The following TMEM178B variants were observed in gnomAD, a reference collection of about 807,000 sequenced individuals.
The protein encoded by TMEM178B is transmembrane protein 178B.
Under a neutral mutation model 31.0 loss-of-function variants are expected in TMEM178B, and 5 were observed. The observed-to-expected ratio is 0.16, with a 90% confidence interval of 0.08 to 0.34. The LOEUF is 0.34. Ranked by LOEUF, TMEM178B falls within the 10% of genes least tolerant of loss-of-function variation. The probability of loss-of-function intolerance (pLI) is 1.00; values close to 1 mark genes in which losing one functional copy is unlikely to be tolerated. For synonymous variants in TMEM178B, 164 were observed against 164.0 expected (o/e 1.00, Z 0.00); for missense variants, 275 against 400.3 (o/e 0.69, Z 2.67).
At chr7:141,090,926 T>C (rs1157748907) in intron 1 of TMEM178B, among the ~76,000 whole-genome samples, 1 of 152,208 alleles carries the variant, frequency 6.6e-6, no homozygotes, top group Non-Finnish European at 1.5e-5. Flanking sequence ...TAAGGACTTC[T>C]CCTTTAGCCA....
At position 141,133,859 on chromosome 7, in the gene TMEM178B, C is replaced by G. The variant is rs111430263; in HGVS notation, c.382+59167C>G. Among the ~76,000 whole-genome samples, 534 of 152,270 alleles carry G rather than the reference C, an allele frequency of 3.5e-3. 2 individuals carry two copies. The highest frequency in any genetic ancestry group is 0.012 in the African/African-American group (479 of 41,552). ...GAGGAAAGTATTAAGTTACATGTGA[C>G]AGAGTTCCCATCAGACTAACAAAAG... is the stretch of plus-strand genomic sequence containing the variant. On this transcript the variant is annotated intron_variant, in intron 1 of 3. Coordinates refer to ENST00000565468, the MANE Select transcript of TMEM178B (RefSeq NM_001195278.2).
At chr7:141,259,912 T>C (rs1156547467) in intron 2 of TMEM178B, among the ~76,000 whole-genome samples, 1 of 152,166 alleles carries the variant, frequency 6.6e-6, no homozygotes, top group Admixed American at 6.5e-5. Context: ...GTCTCCTCTG[T>C]CTGTGCACAA....
chr7:141,383,909 T>C (rs1302198887), intron 2 of TMEM178B, among the ~76,000 whole-genome samples: 1 of 152,220 alleles, frequency 6.6e-6, no homozygotes, highest in Non-Finnish European at 1.5e-5. Flanking sequence ...TGATCGCCAT[T>C]CTAACTGGTG....
chr7:141,447,072 G>A (rs1237755616), intron 3 of TMEM178B, among the ~76,000 whole-genome samples: 1 of 152,074 alleles, frequency 6.6e-6, no homozygotes, highest in African/African-American at 2.4e-5. Context: ...TGCCTATTAT[G>A]TGCCAGACAC....
chr7:141,489,478 G>A, the TMEM178B span, among the ~76,000 whole-genome samples: 238 of 152,208 alleles, frequency 1.6e-3, 3 homozygotes, highest in African/African-American at 5.3e-3. Flanking sequence ...TGTTGTTAGC[G>A]ATTTTGAAGG....
intron 2 of TMEM178B, among the ~76,000 whole-genome samples, chr7:141,292,636 T>C (rs1798565956): frequency 8.8e-6 from 1 of 113,908 alleles, no homozygotes; most frequent in African/African-American, 4.4e-5. Flanking sequence ...TTTTAGATCT[T>C]TTTTTTTTTT....
intron 2 of TMEM178B, among the ~76,000 whole-genome samples, chr7:141,249,720 A>G (rs1035446463): frequency 3.3e-5 from 5 of 152,186 alleles, no homozygotes; most frequent in African/African-American, 1.2e-4. Context: ...TTCCACTTGG[A>G]GAACTTTCTC....
chr7:141,133,721 G>T (rs1318874953), intron 1 of TMEM178B, among the ~76,000 whole-genome samples: 1 of 152,110 alleles, frequency 6.6e-6, no homozygotes, highest in East Asian at 1.9e-4. Flanking sequence ...AGACAACCAG[G>T]CACATGGAAA....
chr7:141,363,160 C>T lies in TMEM178B; in HGVS notation c.497-74448C>T, dbSNP rs143482218. Among the ~76,000 whole-genome samples, 18 of 152,256 alleles carry T rather than the reference C, an allele frequency of 1.2e-4. No homozygotes were observed. The East Asian group carries it at 2.1e-3, about 18-fold the overall frequency. Reference sequence around the variant, plus strand: ...GCTCATTAATGCTTGGAAAAAAGAGCGAGCGAGTGTTAATGTGAGTCAGCA... The same window carrying T: ...GCTCATTAATGCTTGGAAAAAAGAGTGAGCGAGTGTTAATGTGAGTCAGCA... On this transcript the variant is annotated intron_variant, in intron 2 of 3. Transcript: ENST00000565468.
intron 1 of TMEM178B, among the ~76,000 whole-genome samples, chr7:141,091,835 C>T (rs188917574): frequency 1.8e-4 from 27 of 152,276 alleles, no homozygotes; most frequent in Middle Eastern, 3.4e-3. Flanking sequence ...TCAAGTGATT[C>T]TCCTGCCTCA....
At chr7:141,365,535 G>A (rs1007242542) in intron 2 of TMEM178B, among the ~76,000 whole-genome samples, 1 of 152,198 alleles carries the variant, frequency 6.6e-6, no homozygotes, top group Non-Finnish European at 1.5e-5. Context: ...CTCAGGACTA[G>A]AGGAAATGTA....
chr7:141,401,261 A>T (rs1022725174), intron 2 of TMEM178B, among the ~76,000 whole-genome samples: 3 of 152,266 alleles, frequency 2.0e-5, no homozygotes, highest in Non-Finnish European at 4.4e-5. Context: ...TTCTAAGACC[A>T]TTAAAGAACA....
chr7:141,208,038 A>G (rs941636661), intron 1 of TMEM178B, among the ~76,000 whole-genome samples: 4 of 152,062 alleles, frequency 2.6e-5, no homozygotes, highest in Non-Finnish European at 4.4e-5. Flanking sequence ...TAAAAATAAA[A>G]AAAAATTAAC....
chr7:141,129,747 C>T (rs1795564096), intron 1 of TMEM178B, among the ~76,000 whole-genome samples: 1 of 152,070 alleles, frequency 6.6e-6, no homozygotes, highest in Non-Finnish European at 1.5e-5. Flanking sequence ...GGTTAAGGTA[C>T]AGCTTGGTTT....
intron 2 of TMEM178B, among the ~76,000 whole-genome samples, chr7:141,291,183 T>A (rs938112044): frequency 3.9e-5 from 6 of 152,102 alleles, no homozygotes; most frequent in Non-Finnish European, 8.8e-5. Flanking sequence ...ATTGGGAAAG[T>A]GTTATTTATC....
intron 2 of TMEM178B, among the ~76,000 whole-genome samples, chr7:141,233,339 G>A (rs1190336701): frequency 1.3e-5 from 2 of 152,212 alleles, no homozygotes; most frequent in African/African-American, 2.4e-5. Flanking sequence ...TGCAGGATTA[G>A]CTCAAAGCCT....
rs140099903 is a variant in TMEM178B at position 141,333,882 on chromosome 7, G to T, written c.497-103726G>T. Among the ~76,000 whole-genome samples the T allele has an allele frequency of 5.0e-4, 76 of 152,334 alleles. No individual in the cohort carries two copies. The East Asian group carries it at 8.5e-3, about 17-fold the overall frequency. On this transcript the variant is annotated intron_variant, in intron 2 of 3. Transcript: ENST00000565468. Reference sequence around the variant, plus strand: ...ATGTGCGGTTCACAATAGGGTTTGCGCTCCTATGAGAATCTAATGGCGCAG... The same window carrying T: ...ATGTGCGGTTCACAATAGGGTTTGCTCTCCTATGAGAATCTAATGGCGCAG...
chr7:141,188,416 A>T (rs1375942870), intron 1 of TMEM178B, among the ~76,000 whole-genome samples: 2 of 152,234 alleles, frequency 1.3e-5, no homozygotes, highest in Admixed American at 6.5e-5. Flanking sequence ...CAAAAATCTG[A>T]AAAGATCCAA....
chr7:141,246,644 A>AT (rs1416416176), intron 2 of TMEM178B, among the ~76,000 whole-genome samples: 6 of 152,164 alleles, frequency 3.9e-5, no homozygotes, highest in Admixed American at 1.3e-4. Flanking sequence ...ACTGGAAAAA[A>AT]TTTGTGGAGG....
Sources: allele counts gnomAD v4.1 joint callset (sites outside exome capture counted in the v4.1 genomes callset), GRCh38; gene constraint gnomAD v4.1.1; transcripts MANE v1.5; gene names NCBI Gene and HGNC (gene_info 2026-07-23, HGNC 2026-07-21).